The following ABCA3 variants were observed in gnomAD, a reference collection of about 807,000 sequenced individuals.
ABCA3 encodes phospholipid-transporting ATPase ABCA3.
ABCA3 carries 88 observed loss-of-function variants against 172.8 expected under a neutral mutation model. That is an observed-to-expected ratio of 0.51 (90% confidence interval 0.43 to 0.61). The LOEUF (loss-of-function observed/expected upper bound fraction) is 0.61, where lower values mean the gene tolerates loss of function less well. Ranked by LOEUF, ABCA3 falls within the 20% of genes least tolerant of loss-of-function variation. The probability of loss-of-function intolerance (pLI) is 0.00; values close to 1 mark genes in which losing one functional copy is unlikely to be tolerated. For missense variants in ABCA3, 2,164 were observed against 2,301.0 expected (o/e 0.94, Z 1.22); for synonymous variants, 1,066 against 983.8 (o/e 1.08, Z -1.56).
At position 2,299,148 on chromosome 16, in the gene ABCA3, TC is replaced by T. The variant is rs1450308538; in HGVS notation, c.1741+254del. 1.2e-3 allele frequency among the ~76,000 whole-genome samples: 158 copies of T among 128,068 alleles called. 24 individuals carry two copies. The highest frequency in any genetic ancestry group is 1.7e-3 in the African/African-American group (59 of 33,916). The allele number at this position is 128,068 out of a possible 152,430, so 84.0% of individuals were successfully genotyped here. A position where few individuals can be genotyped will look rare whatever the true frequency, so the allele number is the denominator to read the frequency against. ...TGAGGAGGGCAGGGGTCCCTGGGGGTCCCCCTGCATTCACGGACAGAGGCGG... is the reference window on the plus strand; with the variant it reads ...TGAGGAGGGCAGGGGTCCCTGGGGGTCCCCTGCATTCACGGACAGAGGCGG... On this transcript the variant is annotated intron_variant, in intron 14 of 32. Transcript: ENST00000301732.
Position 2,300,049 on chromosome 16 carries a change from G to C in ABCA3, c.1567C>G (p.Pro523Ala). The change falls in exon 13 of 33, where the codon CCA (proline) becomes GCA (alanine). Residue 523 changes from proline to alanine, a missense_variant. Physicochemically the swap from Pro to Ala is conservative, Grantham distance 27 (BLOSUM62 -1). Around this residue, in one of 3 missense-constraint regions of ABCA3, gnomAD observed 1,343 missense variants for 1,369.6 expected, o/e 0.98. Coordinates refer to ENST00000301732, the MANE Select transcript of ABCA3 (RefSeq NM_001089.3). ...TTGATCCCCGCCACCAGGTCCTCTG[G>C]CTCGGCTTCAAAGTACTCGTTTCTG... ...ALRNEYFEAE[P>A]EDLVAGIKIK... The C allele has an allele frequency of 6.2e-7, 1 of 1,613,438 alleles. No individual in the cohort carries two copies. The highest frequency in any genetic ancestry group is 8.5e-7 in the Non-Finnish European group (1 of 1,179,918).
Position 2,323,526 on chromosome 16 carries a change from G to T in ABCA3, c.610C>A (p.Pro204Thr), listed in dbSNP as rs1283894256. The change falls in exon 7 of 33, where the codon CCT becomes ACT. Residue 204 changes from proline to threonine, a missense_variant. Pro to Thr is a conservative substitution (Grantham distance 38). Around this residue, in one of 3 missense-constraint regions of ABCA3, gnomAD observed 1,343 missense variants for 1,369.6 expected, o/e 0.98. Transcript: ENST00000301732. ...REPTSPDGGE[P>T]GYIREGFLAV... ...GAACCCTAACCGAGCTTCTCACCAG[G>T]TTCTCCGCCATCAGGGGATGTAGGT... 6.2e-7 allele frequency: 1 copy of T among 1,614,090 alleles called. No individual in the cohort carries two copies. The highest frequency in any genetic ancestry group is 8.5e-7 in the Non-Finnish European group (1 of 1,180,010).
rs569317209 is a variant in ABCA3 at position 2,331,212 on chromosome 16, C to T, written c.-538-1358G>A. Among the ~76,000 whole-genome samples, 5 of 151,902 alleles carry T rather than the reference C, an allele frequency of 3.3e-5. No homozygotes were observed. In the South Asian group the frequency reaches 8.3e-4, roughly 25 times the overall value. ...ATCACCTTAATAGAAGTTTTCTTTT[C>T]TTTTCTTTTCTTTTTTTCTGAGACA... On this transcript the variant is annotated intron_variant, in intron 1 of 32. Coordinates refer to ENST00000301732, the MANE Select transcript of ABCA3 (RefSeq NM_001089.3).
rs1157603788 is a variant in ABCA3 at position 2,298,465 on chromosome 16, T to C, written c.1817A>G (p.Lys606Arg). The C allele has an allele frequency of 1.9e-6, 3 of 1,614,128 alleles. No homozygotes were observed. The highest frequency in any genetic ancestry group is 8.5e-7 in the Non-Finnish European group (1 of 1,180,040). ...EISQDMVQIR[K>R]SLGLCPQHDI... ...GTGCTGCGGGCACAGGCCCAGGCTC[T>C]TCCGGATCTGAACCATGTCCTGGGA... The change falls in exon 15 of 33, where the codon AAG becomes AGG. Residue 606 changes from lysine to arginine, a missense_variant. Transcript: ENST00000301732.
chr16:2,319,879 G>C, intron 7 of ABCA3, 39 bp from the exon 8 acceptor site: 1 of 1,611,438 alleles, frequency 6.2e-7, no homozygotes. Context: ...CCACCTCGAG[G>C]AGCTGCTCTC....
rs1407129120 is a variant in ABCA3, at chr16:2,281,374, A to G, written c.4164+7T>C. On this transcript the variant is annotated splice_region_variant and intron_variant, in intron 27 of 32. Coordinates refer to ENST00000301732, the MANE Select transcript of ABCA3 (RefSeq NM_001089.3). The surrounding 1 kb of genome is among the most constrained non-coding windows in gnomAD (Gnocchi z 4.7). Reference sequence around the variant, plus strand: ...AGGAAGGACTCCACCCCAAATTGCAAGGGTACCTTGGAGAGCTCCTTGATA... The same window carrying G: ...AGGAAGGACTCCACCCCAAATTGCAGGGGTACCTTGGAGAGCTCCTTGATA... 6.2e-7 allele frequency: 1 copy of G among 1,613,594 alleles called. No homozygotes were observed. The highest frequency in any genetic ancestry group is 8.5e-7 in the Non-Finnish European group (1 of 1,179,972).
In ABCA3 at chr16:2,323,571, G is replaced by A. The variant is rs772243245; in HGVS notation, c.565C>T (p.Pro189Ser). ...GTAGGTTCCCTTGGTCCTGGGTTTG[G>A]GAAAAGCGGGAAAAGGGAAGTAGTG... ...WHTTSLFPLF[P>S]NPGPREPTSP... The change falls in exon 7 of 33, where the codon CCA (proline) becomes TCA (serine). Residue 189 changes from proline to serine, a missense_variant. By Grantham distance (74) the Pro-to-Ser change is moderately conservative. Around this residue, in one of 3 missense-constraint regions of ABCA3, gnomAD observed 1,343 missense variants for 1,369.6 expected, o/e 0.98. Transcript: ENST00000301732. 2 of 1,614,134 alleles carry A rather than the reference G, an allele frequency of 1.2e-6. No homozygotes were observed. The highest frequency in any genetic ancestry group is 8.5e-7 in the Non-Finnish European group (1 of 1,180,020).
intron 12 of ABCA3, among the ~76,000 whole-genome samples, 167 bp downstream of exon 12, chr16:2,303,802 A>C (rs920833483): frequency 6.6e-6 from 1 of 151,968 alleles, no homozygotes; most frequent in African/African-American, 2.4e-5. Flanking sequence ...AACCAGTCCC[A>C]AGGGCCCTCG....
At chr16:2,321,337 A>C (rs890156359) in intron 7 of ABCA3, among the ~76,000 whole-genome samples, 1 of 152,160 alleles carries the variant, frequency 6.6e-6, no homozygotes, top group Non-Finnish European at 1.5e-5. Flanking sequence ...TAGATGTAAA[A>C]TCTTGCCCTA....
intron 3 of ABCA3, 33 bp from the exon 4 acceptor site, chr16:2,326,525 G>A (rs1201813003): frequency 8.9e-6 from 14 of 1,571,910 alleles, no homozygotes; most frequent in Non-Finnish European, 1.1e-5. Flanking sequence ...GAGTGTGGGT[G>A]CGCAATAGAA....
intron 11 of ABCA3, among the ~76,000 whole-genome samples, chr16:2,305,076 G>A (rs764453903): frequency 2.0e-5 from 3 of 152,150 alleles, no homozygotes; most frequent in Non-Finnish European, 2.9e-5. Flanking sequence ...GCCTCCCAAA[G>A]TGCTAGGATT....
At chr16:2,307,447 C>T (rs1206245560) in intron 11 of ABCA3, among the ~76,000 whole-genome samples, 7 of 151,756 alleles carry the variant, frequency 4.6e-5, no homozygotes, top group Non-Finnish European at 8.8e-5. Flanking sequence ...CCCAGGTACT[C>T]GGGAGGCTGA....
rs45466895 is a variant in ABCA3, at chr16:2,323,926, T to A, written c.448-238A>T. On this transcript the variant is annotated intron_variant, in intron 6 of 32. Transcript: ENST00000301732. ...TGGTTCTTGGCCATTCCTAATTCCA[T>A]TGTGAAGTGCCACCGAGTGTTCAGG... 0.034 allele frequency among the ~76,000 whole-genome samples: 5,190 copies of A among 152,190 alleles called. 305 individuals are homozygous for A. Among genetic ancestry groups the A allele is most frequent in the African/African-American group, 0.12 (4,906 of 41,508 alleles).
chr16:2,322,921 T>C (rs2093728340), intron 7 of ABCA3, among the ~76,000 whole-genome samples: 1 of 152,190 alleles, frequency 6.6e-6, no homozygotes, highest in Non-Finnish European at 1.5e-5. Context: ...AAAGGGCTAA[T>C]ATCCAGAATC....
At chr16:2,309,182 G>A (rs566491232) in intron 10 of ABCA3, among the ~76,000 whole-genome samples, 15 of 152,208 alleles carry the variant, frequency 9.9e-5, no homozygotes, top group East Asian at 7.8e-4. Context: ...TCCTGACCTC[G>A]TGATCCACCG....
At position 2,288,346 on chromosome 16, in the gene ABCA3, G is replaced by C; in HGVS notation, c.2701-17C>G. The C allele has an allele frequency of 1.3e-6, 2 of 1,541,616 alleles. No homozygotes were observed. The highest frequency in any genetic ancestry group is 1.7e-6 in the Non-Finnish European group (2 of 1,148,266). On this transcript the variant is annotated splice_polypyrimidine_tract_variant and intron_variant, in intron 20 of 32. Coordinates refer to ENST00000301732, the MANE Select transcript of ABCA3 (RefSeq NM_001089.3). ...CAGGGCGAGCTGCGGCAGAGGGGACGCAGGTGACACCGGCACCGCTTGGGG... is the reference window on the plus strand; with the variant it reads ...CAGGGCGAGCTGCGGCAGAGGGGACCCAGGTGACACCGGCACCGCTTGGGG...
chr16:2,301,790 A>C (rs994252100), intron 12 of ABCA3, among the ~76,000 whole-genome samples: 45 of 152,308 alleles, frequency 3.0e-4, no homozygotes, highest in African/African-American at 1.1e-3. Context: ...GGGCCCACAG[A>C]ATGGAACACT....
At chr16:2,317,454 A>C in intron 9 of ABCA3, 51 bp from the exon 10 acceptor site, 1 of 1,610,468 alleles carries the variant, frequency 6.2e-7, no homozygotes, top group Non-Finnish European at 8.5e-7. Flanking sequence ...GAGGTGGACC[A>C]GGAGGACTCC....
chr16:2,284,507 C>T lies in ABCA3; in HGVS notation c.3704-70G>A, dbSNP rs969680834. The T allele has an allele frequency of 1.3e-6, 2 of 1,592,716 alleles. No individual in the cohort carries two copies. Among genetic ancestry groups the T allele is most frequent in the Non-Finnish European group, 1.7e-6 (2 of 1,162,882 alleles). ...CACCCACCTCCAGGACGGGCCTGGTCAGGGCGGGCACAGGGCCTTATCCGT... is the reference window on the plus strand; with the variant it reads ...CACCCACCTCCAGGACGGGCCTGGTTAGGGCGGGCACAGGGCCTTATCCGT... On this transcript the variant is annotated intron_variant, in intron 24 of 32. Transcript: ENST00000301732. The surrounding 1 kb of genome is among the most constrained non-coding windows in gnomAD (Gnocchi z 5.9).
Sources: gnomAD v4.1 joint callset for allele counts (sites outside exome capture counted in the v4.1 genomes callset) on GRCh38, gnomAD v4.1.1 for gene constraint, gnomAD v4.1.1 regional missense constraint, Gnocchi (gnomAD v3.1) non-coding constraint, MANE v1.5 for transcripts, NCBI Gene and HGNC (gene_info 2026-07-23, HGNC 2026-07-21) for gene names.